TYMS: variants seen among roughly 807,000 people sequenced by gnomAD.
TYMS encodes the protein thymidylate synthetase, also known as thymidylate synthase.
In TYMS, 21 loss-of-function variants were observed where a neutral mutation model predicts 39.3. The ratio of observed to expected loss-of-function variants is 0.54; its 90% CI spans 0.38 to 0.77. The LOEUF (loss-of-function observed/expected upper bound fraction) is 0.77. Among genes scored for constraint, TYMS ranks in the 30% least tolerant of loss-of-function variants. The pLI, the probability that TYMS is intolerant of heterozygous loss-of-function variation, is 0.00. For missense variants in TYMS, 273 were observed against 406.7 expected, an observed-to-expected ratio of 0.67 and a Z score of 2.83; for synonymous variants, 171 against 162.2, an observed-to-expected ratio of 1.05 and a Z score of -0.41.
Position 667,161 on chromosome 18 carries a change from AGATGGTGATGGT to A in TYMS, c.455-1893_455-1882del, listed in dbSNP as rs1318850948. 1.0e-4 allele frequency among the ~76,000 whole-genome samples: 4 copies of A among 38,500 alleles called. 1 individual carries two copies. The highest frequency in any genetic ancestry group is 2.1e-4 in the Admixed American group (1 of 4,762). The allele number at this position is 38,500 out of a possible 152,430, so 25.3% of individuals were successfully genotyped here. ...GTGATGGTGATGGTGATGGTGATGG[AGATGGTGATGGT>A]GATGGTGATGGTGATGGAGATGGTG... On this transcript the variant is annotated intron_variant, in intron 3 of 6. Coordinates refer to ENST00000323274, the MANE Select transcript of TYMS (RefSeq NM_001071.4).
intron 3 of TYMS, among the ~76,000 whole-genome samples, chr18:667,184 GTGATGGA>G (rs2074856409): frequency 1.0e-5 from 1 of 98,222 alleles, no homozygotes; most frequent in Non-Finnish European, 1.9e-5. Flanking sequence ...GATGGTGATG[GTGATGGA>G]GATGGTGATG....
At chr18:669,472 G>C in intron 4 of TYMS, 1 of 226,690 alleles carries the variant, frequency 4.4e-6, no homozygotes, top group Non-Finnish European at 8.7e-6. Flanking sequence ...TCCTGGGTTC[G>C]AGTGATTCTC....
At position 671,463 on chromosome 18, in the gene TYMS, A is replaced by C. The variant is rs200542124; in HGVS notation, c.804+12A>C. ...CACTGAAAATTCAGGTAAGAATTAGATGTTATACTTTTGGGTTTGGTACCT... is the reference window on the plus strand; with the variant it reads ...CACTGAAAATTCAGGTAAGAATTAGCTGTTATACTTTTGGGTTTGGTACCT... On this transcript the variant is annotated intron_variant, in intron 6 of 6. Coordinates refer to ENST00000323274, the MANE Select transcript of TYMS (RefSeq NM_001071.4). 6.3e-7 allele frequency: 1 copy of C among 1,588,952 alleles called. No homozygotes were observed. Among genetic ancestry groups the C allele is most frequent in the East Asian group, 2.2e-5 (1 of 44,728 alleles).
Position 658,813 on chromosome 18 carries a change from G to A in TYMS, c.206-828G>A. 5.9e-6 allele frequency: 1 copy of A among 169,450 alleles called. No individual in the cohort carries two copies. Among genetic ancestry groups the A allele is most frequent in the Non-Finnish European group, 1.3e-5 (1 of 79,932 alleles). The allele number at this position is 169,450 out of a possible 1,614,324, so 10.5% of individuals were successfully genotyped here. On this transcript the variant is annotated intron_variant, in intron 1 of 6. Coordinates refer to ENST00000323274, the MANE Select transcript of TYMS (RefSeq NM_001071.4). This position sits in a 1 kb window ranked among gnomAD's most constrained non-coding sequence, Gnocchi z 4.5. ...TGGAGCGCAGCCTTGACACAGGGGT[G>A]GAGGTGGTTTTGAATGGGGAAACCC... is the stretch of plus-strand genomic sequence containing the variant.
intron 4 of TYMS, among the ~76,000 whole-genome samples, chr18:669,786 T>C (rs960287093): frequency 6.6e-6 from 1 of 152,058 alleles, no homozygotes; most frequent in East Asian, 1.9e-4. Flanking sequence ...AACAATTATA[T>C]TGTAAAATTC....
At position 658,219 on chromosome 18, in the gene TYMS, G is replaced by T; in HGVS notation, c.205+272G>T. On this transcript the variant is annotated intron_variant, in intron 1 of 6. Coordinates refer to ENST00000323274, the MANE Select transcript of TYMS (RefSeq NM_001071.4). This position sits in a 1 kb window ranked among gnomAD's most constrained non-coding sequence, Gnocchi z 4.5. ...CGGCCGGGCTCGCAGTCGCCCCAGT[G>T]ATGCCGTGGCCCCCGAGGCGGGCGT... 6.6e-7 allele frequency: 1 copy of T among 1,518,660 alleles called. No homozygotes were observed. The allele number at this position is 1,518,660 out of a possible 1,614,324, so 94.1% of individuals were successfully genotyped here.
intron 3 of TYMS, among the ~76,000 whole-genome samples, chr18:663,929 A>G (rs2074781891): frequency 9.4e-6 from 1 of 106,004 alleles, no homozygotes; most frequent in African/African-American, 5.5e-5. Context: ...GCCTTGTAGT[A>G]TAGTTTGAAG....
rs1430035361 is a variant in TYMS at position 658,486 on chromosome 18, A to G, written c.205+539A>G. 2.5e-6 allele frequency: 1 copy of G among 406,222 alleles called. No homozygotes were observed. The highest frequency in any genetic ancestry group is 4.3e-6 in the Non-Finnish European group (1 of 232,986). The allele number at this position is 406,222 out of a possible 1,614,324, so 25.2% of individuals were successfully genotyped here. ...CCTGGTGGCCTCCCATCCAATCCCC[A>G]CGAACCAGCTTTCCTCTTAAACCTT... On this transcript the variant is annotated intron_variant, in intron 1 of 6. Transcript: ENST00000323274. The surrounding 1 kb of genome is among the most constrained non-coding windows in gnomAD (Gnocchi z 4.5).
At chr18:670,565 CCCA>C (rs2074995429) in intron 4 of TYMS, 124 bp from the exon 5 acceptor site, 1 of 973,696 alleles carries the variant, frequency 1.0e-6, no homozygotes, top group Non-Finnish European at 1.5e-6. Flanking sequence ...ATCACTGCAG[CCCA>C]GTGGCTCTCT....
Position 662,240 on chromosome 18 carries a change from C to T in TYMS, c.374C>T (p.Thr125Ile). The change falls in exon 3 of 7, where the codon ACC becomes ATC. Residue 125 changes from threonine (T) to isoleucine (I), a missense_variant. This residue lies in a region of TYMS where 228 missense variants were observed against 326.1 expected (regional missense o/e 0.70). Transcript: ENST00000323274. Reference sequence around the variant, plus strand: ...TTTTTGGACAGCCTGGGATTCTCCACCAGAGAAGAAGGGGACTTGGGCCCA... The same window carrying T: ...TTTTTGGACAGCCTGGGATTCTCCATCAGAGAAGAAGGGGACTTGGGCCCA... ...RDFLDSLGFS[T>I]REEGDLGPVY... is the part of the protein sequence containing the mutation. 4.3e-6 allele frequency: 7 copies of T among 1,614,010 alleles called. No homozygotes were observed. The South Asian group carries it at 4.4e-5, about 10-fold the overall frequency.
rs60409589 is a variant in TYMS, at chr18:667,992, A to ATTT, written c.455-1063_455-1061dup. Among the ~76,000 whole-genome samples, 278 of 105,370 alleles carry ATTT rather than the reference A, an allele frequency of 2.6e-3. 7 individuals carry two copies. Among genetic ancestry groups the ATTT allele is most frequent in the African/African-American group, 9.7e-3 (212 of 21,860 alleles). The allele number at this position is 105,370 out of a possible 152,430, so 69.1% of individuals were successfully genotyped here. ...AATTTTGTTTTACAGATTCACAGGA[A>ATTT]TTTTTTTTTTTTTTTTTTTAATGCA... On this transcript the variant is annotated intron_variant, in intron 3 of 6. Coordinates refer to ENST00000323274, the MANE Select transcript of TYMS (RefSeq NM_001071.4).
rs778560479 is a variant in TYMS, at chr18:662,402, G to A, written c.454+82G>A. 504 of 1,323,176 alleles carry A rather than the reference G, an allele frequency of 3.8e-4. 1 individual carries two copies. The highest frequency in any genetic ancestry group is 1.8e-3 in the Admixed American group (77 of 42,668). The allele number at this position is 1,323,176 out of a possible 1,614,324, so 82.0% of individuals were successfully genotyped here. A position where few individuals can be genotyped will look rare whatever the true frequency, so the allele number is the denominator to read the frequency against. On this transcript the variant is annotated intron_variant, in intron 3 of 6. Coordinates refer to ENST00000323274, the MANE Select transcript of TYMS (RefSeq NM_001071.4). Reference sequence around the variant, plus strand: ...GCTCCGTTGTTTTAGATAAGGTCTGGGGGATGAGTCAATGTCACAGGAGCT... The same window carrying A: ...GCTCCGTTGTTTTAGATAAGGTCTGAGGGATGAGTCAATGTCACAGGAGCT...
At chr18:669,295 G>A in intron 4 of TYMS, 122 bp downstream of exon 4, 1 of 285,400 alleles carries the variant, frequency 3.5e-6, no homozygotes, top group Non-Finnish European at 5.1e-6. Context: ...CCACATGGTT[G>A]ATTGTGTGAC....
chr18:671,150 T>C, intron 5 of TYMS: 1 of 613,496 alleles, frequency 1.6e-6, no homozygotes, highest in East Asian at 2.8e-5. Context: ...CTCATGCCTG[T>C]AATCCCAGCA....
At position 666,981 on chromosome 18, in the gene TYMS, AGATGGT is replaced by A. The variant is rs1458799324; in HGVS notation, c.455-2079_455-2074del. Among the ~76,000 whole-genome samples, 7 of 8,546 alleles carry A rather than the reference AGATGGT, an allele frequency of 8.2e-4. 1 individual carries two copies. Among genetic ancestry groups the A allele is most frequent in the South Asian group, 5.1e-3 (1 of 196 alleles). 5.6% of individuals were successfully genotyped at this position (8,546 alleles called of 152,430 possible). The stretch of plus-strand genomic sequence containing the variant: ...GAGATGGAGATGGTGATGGAGATGG[AGATGGT>A]GATGGTGATGGAGATGGTGATGGTG... On this transcript the variant is annotated intron_variant, in intron 3 of 6. Coordinates refer to ENST00000323274, the MANE Select transcript of TYMS (RefSeq NM_001071.4).
rs2075130279 is a variant in TYMS at position 672,813 on chromosome 18, A to G, written c.805-47A>G. On this transcript the variant is annotated intron_variant, in intron 6 of 6. Coordinates refer to ENST00000323274, the MANE Select transcript of TYMS (RefSeq NM_001071.4). ...TTCACGGACATGAGGAGCAATTACA[A>G]CAGGTCGTACAATTATGGCAAAATA... is the stretch of plus-strand genomic sequence containing the variant. 5.9e-6 allele frequency: 9 copies of G among 1,529,540 alleles called. No homozygotes were observed. In the East Asian group the frequency reaches 6.9e-5, roughly 12 times the overall value. 94.7% of individuals were successfully genotyped at this position (1,529,540 alleles called of 1,614,324 possible). A position where few individuals can be genotyped will look rare whatever the true frequency, so the allele number is the denominator to read the frequency against.
At chr18:659,352 T>G (rs1188329498) in intron 1 of TYMS, among the ~76,000 whole-genome samples, 2 of 152,090 alleles carry the variant, frequency 1.3e-5, no homozygotes, top group Non-Finnish European at 2.9e-5. Flanking sequence ...GGATGATAGC[T>G]CCTCCCTTTT....
chr18:661,983 A>G (rs539578504), intron 2 of TYMS, among the ~76,000 whole-genome samples, 163 bp from the exon 3 acceptor site: 1 of 152,258 alleles, frequency 6.6e-6, no homozygotes, highest in Admixed American at 6.5e-5. Flanking sequence ...GAAACTCTCA[A>G]AAAACAAAAA....
In TYMS at chr18:670,863, T is replaced by C; in HGVS notation, c.728T>C (p.Leu243Pro). The C allele has an allele frequency of 6.2e-7, 1 of 1,613,942 alleles. No homozygotes were observed. The highest frequency in any genetic ancestry group is 8.5e-7 in the Non-Finnish European group (1 of 1,179,932). Residue 243 changes from leucine to proline, a missense_variant, in exon 5 of 7, where the codon CTG (leucine) becomes CCG (proline). Leu to Pro is a moderately conservative substitution (Grantham distance 98). Transcript: ENST00000323274. Reference sequence around the variant, plus strand: ...TACATGATTGCGCACATCACGGGCCTGAAGGTGGGCTGTCTCGGGAAGGGT... The same window carrying C: ...TACATGATTGCGCACATCACGGGCCCGAAGGTGGGCTGTCTCGGGAAGGGT... Reference protein sequence around the residue: ...LTYMIAHITGLKPGDFIHTLG... With the variant: ...LTYMIAHITGPKPGDFIHTLG...
Sources: allele counts gnomAD v4.1 joint callset (sites outside exome capture counted in the v4.1 genomes callset), GRCh38; gene constraint gnomAD v4.1.1; regional missense constraint gnomAD v4.1.1; non-coding constraint Gnocchi (gnomAD v3.1); transcripts MANE v1.5; gene names NCBI Gene and HGNC (gene_info 2026-07-23, HGNC 2026-07-21).